Variants in ESRRG observed in about 807,000 individuals in gnomAD.
The protein encoded by ESRRG is estrogen-related receptor gamma.
ESRRG carries 13 observed loss-of-function variants against 44.0 expected under a neutral mutation model. That is an observed-to-expected ratio of 0.30 (90% CI 0.19 to 0.47). The LOEUF (loss-of-function observed/expected upper bound fraction) is 0.47, where lower values mean the gene tolerates loss of function less well. Among genes scored for constraint, ESRRG ranks in the 20% least tolerant of loss-of-function variants. The probability of loss-of-function intolerance (pLI) is 1.00; values close to 1 mark genes in which losing one functional copy is unlikely to be tolerated. For missense variants in ESRRG, 395 were observed against 580.6 expected, an observed-to-expected ratio of 0.68 and a Z score of 3.29; for synonymous variants, 215 against 214.6, an observed-to-expected ratio of 1.00 and a Z score of -0.02.
At chr1:216,844,237 G>A (rs919199064) in intron 2 of ESRRG, among the ~76,000 whole-genome samples, 2 of 151,980 alleles carry the variant, frequency 1.3e-5, no homozygotes, top group African/African-American at 4.8e-5. Context: ...CTCTTTCTGA[G>A]GTTGGTTAAA....
At chr1:216,567,652 G>A (rs1389627891) in intron 4 of ESRRG, among the ~76,000 whole-genome samples, 1 of 152,082 alleles carries the variant, frequency 6.6e-6, no homozygotes, top group African/African-American at 2.4e-5. Flanking sequence ...ATCACAGTAT[G>A]ATCCATTTTA....
chr1:216,557,438 C>A (rs745818100), intron 5 of ESRRG, among the ~76,000 whole-genome samples: 8 of 151,848 alleles, frequency 5.3e-5, no homozygotes, highest in Admixed American at 1.3e-4. Context: ...CCAAACCAAA[C>A]CAAAACAAAA....
chr1:216,911,528 T>C (rs2060297806), intron 2 of ESRRG, among the ~76,000 whole-genome samples: 1 of 152,184 alleles, frequency 6.6e-6, no homozygotes, highest in African/African-American at 2.4e-5. Flanking sequence ...TACATGTCAT[T>C]GTACATTTTT....
intron 2 of ESRRG, among the ~76,000 whole-genome samples, chr1:216,775,763 C>G (rs1242959718): frequency 1.3e-5 from 2 of 151,710 alleles, no homozygotes; most frequent in African/African-American, 4.8e-5. Context: ...TGATGCTTCA[C>G]TATGTTGCCC....
chr1:216,518,591 G>A (rs11572821), intron 6 of ESRRG, among the ~76,000 whole-genome samples: 1 of 152,132 alleles, frequency 6.6e-6, no homozygotes, highest in Non-Finnish European at 1.5e-5. Flanking sequence ...CTTATTAGAG[G>A]TTGCTATTTT....
At chr1:216,524,305 CT>C (rs967501779) in intron 5 of ESRRG, among the ~76,000 whole-genome samples, 116 of 141,222 alleles carry the variant, frequency 8.2e-4, no homozygotes, top group Non-Finnish European at 1.3e-3. Context: ...TATACACACA[CT>C]TTTTTTTCAT....
chr1:216,972,766 C>T (rs1384249924), intron 1 of ESRRG, among the ~76,000 whole-genome samples: 4 of 152,126 alleles, frequency 2.6e-5, no homozygotes, highest in Non-Finnish European at 5.9e-5. Flanking sequence ...GAAAGATGAA[C>T]TAGTATGTAC....
At chr1:217,122,874 G>A (rs750449757) in intron 1 of ESRRG, among the ~76,000 whole-genome samples, 8 of 151,188 alleles carry the variant, frequency 5.3e-5, no homozygotes, top group Admixed American at 2.6e-4. Context: ...TAGTACAGAC[G>A]GGGTTTCTCC....
At chr1:216,911,858 T>C (rs2060342319) in intron 2 of ESRRG, among the ~76,000 whole-genome samples, 1 of 151,756 alleles carries the variant, frequency 6.6e-6, no homozygotes, top group African/African-American at 2.4e-5. Context: ...TCACGTGCGC[T>C]CAGGAGTTTG....
At chr1:216,835,218 A>G (rs2148800673) in intron 2 of ESRRG, among the ~76,000 whole-genome samples, 1 of 152,280 alleles carries the variant, frequency 6.6e-6, no homozygotes, top group African/African-American at 2.4e-5. Context: ...AATTTAAAGG[A>G]GTTTAACTGA....
At chr1:216,844,679 T>A (rs753681284) in intron 2 of ESRRG, among the ~76,000 whole-genome samples, 2 of 152,172 alleles carry the variant, frequency 1.3e-5, no homozygotes, top group Non-Finnish European at 2.9e-5. Flanking sequence ...GACTCTGCTA[T>A]AAAATAATAC....
At chr1:216,778,496 T>G (rs1411887654) in intron 2 of ESRRG, among the ~76,000 whole-genome samples, 1 of 151,874 alleles carries the variant, frequency 6.6e-6, no homozygotes, top group Non-Finnish European at 1.5e-5. Flanking sequence ...TGTCGGGCCC[T>G]GACAGTCAGG....
At chr1:216,893,642 C>T (rs1469390017) in intron 2 of ESRRG, among the ~76,000 whole-genome samples, 2 of 151,758 alleles carry the variant, frequency 1.3e-5, no homozygotes, top group African/African-American at 4.9e-5. Flanking sequence ...AGCTTAAAAT[C>T]TTATAGAAAT....
chr1:216,980,673 C>A (rs1379258895), intron 1 of ESRRG, among the ~76,000 whole-genome samples: 1 of 152,164 alleles, frequency 6.6e-6, no homozygotes, highest in Admixed American at 6.6e-5. Context: ...TTTCTGTAAC[C>A]TCAAGCTGAA....
chr1:216,520,590 C>A (rs1321687089), intron 5 of ESRRG, among the ~76,000 whole-genome samples: 1 of 152,070 alleles, frequency 6.6e-6, no homozygotes, highest in Non-Finnish European at 1.5e-5. Flanking sequence ...TGATCAGAAG[C>A]TTTTCTCAAG....
At chr1:216,654,130 C>CA (rs397961659) in intron 2 of ESRRG, among the ~76,000 whole-genome samples, 30,267 of 131,916 alleles carry the variant, frequency 0.23, 3,944 homozygotes, top group Non-Finnish European at 0.32. Context: ...CCCCACCCTC[C>CA]AAAAAAAAAA....
At chr1:216,875,939 G>T in intron 2 of ESRRG, among the ~76,000 whole-genome samples, 1 of 151,958 alleles carries the variant, frequency 6.6e-6, no homozygotes, top group Non-Finnish European at 1.5e-5. Context: ...TTATTTAGAG[G>T]GAAATATCAT....
chr1:217,109,841 A>C (rs1290633104), intron 1 of ESRRG, among the ~76,000 whole-genome samples: 1 of 152,192 alleles, frequency 6.6e-6, no homozygotes, highest in Non-Finnish European at 1.5e-5. Flanking sequence ...CTAGGGGCAA[A>C]ATGGCCACAG....
intron 3 of ESRRG, among the ~76,000 whole-genome samples, chr1:216,625,285 A>G (rs76655071): frequency 0.017 from 2,617 of 152,122 alleles, 80 homozygotes; most frequent in African/African-American, 0.059. Context: ...CTTAACTACC[A>G]CATCTATTCT....
Sources: gnomAD v4.1 joint callset for allele counts (sites outside exome capture counted in the v4.1 genomes callset) on GRCh38, gnomAD v4.1.1 for gene constraint, MANE v1.5 for transcripts, NCBI Gene and HGNC (gene_info 2026-07-23, HGNC 2026-07-21) for gene names.